The following GNAS variants were observed in gnomAD, a reference collection of about 807,000 sequenced individuals.
GNAS encodes the protein protein ALEX.
A neutral mutation model predicts 54.5 loss-of-function variants in GNAS; 8 were observed. The ratio of observed to expected loss-of-function variants is 0.15; its 90% CI spans 0.09 to 0.26. GNAS has a LOEUF of 0.26. Ranked by LOEUF, GNAS falls within the 10% of genes least tolerant of loss-of-function variation. The probability of loss-of-function intolerance (pLI) is 1.00; values close to 1 mark genes in which losing one functional copy is unlikely to be tolerated. For synonymous variants in GNAS, 204 were observed against 191.4 expected, an observed-to-expected ratio of 1.07 and a Z score of -0.54; for missense variants, 170 against 529.8, an observed-to-expected ratio of 0.32 and a Z score of 6.67.
At chr20:58,845,591 G>T (rs2085913379) in intron 1 of GNAS, among the ~76,000 whole-genome samples, 1 of 151,822 alleles carries the variant, frequency 6.6e-6, no homozygotes, top group Non-Finnish European at 1.5e-5. Flanking sequence ...ACCCATTTTT[G>T]TTTTATAATT....
At chr20:58,874,571 C>G (rs776522997) in intron 1 of GNAS, among the ~76,000 whole-genome samples, 3 of 152,100 alleles carry the variant, frequency 2.0e-5, no homozygotes, top group Admixed American at 1.3e-4. Flanking sequence ...TGGGCTGGCC[C>G]CCGTCTTAGC....
Position 58,863,699 on chromosome 20 carries a change from AG to A in GNAS, c.43+22814del, listed in dbSNP as rs2086891152. 6.6e-6 allele frequency: 1 copy of A among 152,546 alleles called. No homozygotes were observed. Among genetic ancestry groups the A allele is most frequent in the African/African-American group, 2.4e-5 (1 of 41,462 alleles). 9.4% of individuals were successfully genotyped at this position (152,546 alleles called of 1,614,324 possible). On this transcript the variant is annotated intron_variant, in intron 1 of 12. Coordinates refer to the GNAS transcript ENST00000306090. This position sits in a 1 kb window ranked among gnomAD's most constrained non-coding sequence, Gnocchi z 4.1. ...CAAGGAAATTAAGACTTGGGCTGCA[AG>A]AGCCTCGCCTCTCTCTTCTGATTTA...
intron 1 of GNAS, chr20:58,852,847 T>C: frequency 3.7e-6 from 1 of 268,150 alleles, no homozygotes; most frequent in East Asian, 6.2e-5. Flanking sequence ...CGGAGCCAGC[T>C]CGGCACTGGA....
chr20:58,904,554 G>A (rs1015303858), intron 5 of GNAS, among the ~76,000 whole-genome samples: 7 of 152,202 alleles, frequency 4.6e-5, no homozygotes, highest in African/African-American at 1.2e-4. Context: ...AACGGGAAAC[G>A]AGATGGAAAG....
upstream of GNAS, among the ~76,000 whole-genome samples, chr20:58,887,333 G>A (rs1011462642): frequency 6.6e-6 from 1 of 152,202 alleles, no homozygotes; most frequent in Non-Finnish European, 1.5e-5. Context: ...CCTCTTACAA[G>A]TCTTTAACAA....
intron 1 of GNAS, chr20:58,855,305 C>A: frequency 6.3e-7 from 1 of 1,579,394 alleles, no homozygotes; most frequent in East Asian, 2.3e-5. Flanking sequence ...AGATGGGCTA[C>A]ATGTGTACGC....
At chr20:58,868,452 CTTT>C (rs560938923) in intron 1 of GNAS, among the ~76,000 whole-genome samples, 1 of 145,280 alleles carries the variant, frequency 6.9e-6, no homozygotes, top group Non-Finnish European at 1.5e-5. Flanking sequence ...CCGCAGCCAG[CTTT>C]TTTTTTTTTT....
At chr20:58,902,753 T>TTG (rs2090743235) in intron 3 of GNAS, among the ~76,000 whole-genome samples, 1 of 125,060 alleles carries the variant, frequency 8.0e-6, no homozygotes, top group South Asian at 2.4e-4. Flanking sequence ...TTTTTTTTTT[T>TTG]GACAGAGTCT....
chr20:58,855,505 G>A, intron 1 of GNAS: 2 of 739,500 alleles, frequency 2.7e-6, no homozygotes, highest in Non-Finnish European at 2.5e-6. Flanking sequence ...CCCTGGGAGC[G>A]GGAGGGGATC....
At chr20:58,877,706 A>T (rs1225956944) in intron 1 of GNAS, among the ~76,000 whole-genome samples, 2 of 152,186 alleles carry the variant, frequency 1.3e-5, no homozygotes, top group African/African-American at 4.8e-5. Context: ...AAGAGGCTAC[A>T]GTCAGCTCAA....
At chr20:58,899,108 A>G in intron 3 of GNAS, 123 bp downstream of exon 3, 1 of 793,576 alleles carries the variant, frequency 1.3e-6, no homozygotes, top group Non-Finnish European at 2.2e-6. Context: ...CATCAGCCAT[A>G]TTGGCATACA....
intron 1 of GNAS, among the ~76,000 whole-genome samples, chr20:58,865,344 G>C (rs1306724443): frequency 1.3e-5 from 2 of 151,010 alleles, no homozygotes; most frequent in Non-Finnish European, 1.5e-5. Flanking sequence ...CTTGAACCCG[G>C]GAGGCAGAGG....
intron 1 of GNAS, among the ~76,000 whole-genome samples, chr20:58,869,168 G>T (rs368813163): frequency 6.6e-6 from 1 of 152,154 alleles, no homozygotes; most frequent in Non-Finnish European, 1.5e-5. Context: ...CTGGTGCCCC[G>T]GTTCTCCTGG....
At chr20:58,840,174 C>T (rs569736160), upstream of GNAS, 5 of 1,611,660 alleles carry the variant, frequency 3.1e-6, no homozygotes, top group East Asian at 8.9e-5. The surrounding 1 kb of genome is among the most constrained non-coding windows in gnomAD (Gnocchi z 6.0). Context: ...CTGTGCCCGC[C>T]CATAGGCCGC....
intron 1 of GNAS, chr20:58,854,028 T>TTCGCGGCAG (rs2086304768): frequency 1.2e-6 from 2 of 1,611,526 alleles, no homozygotes; most frequent in East Asian, 4.5e-5. Flanking sequence ...CAGCAGCCAG[T>TTCGCGGCAG]TCGCGGCAGT....
At chr20:58,854,665 C>G (rs950471364) in intron 1 of GNAS, 8 of 1,528,472 alleles carry the variant, frequency 5.2e-6, no homozygotes, top group Non-Finnish European at 7.0e-6. Flanking sequence ...GATCCAGATG[C>G]CGGGGCGGCC....
chr20:58,886,504 T>G (rs907133046), upstream of GNAS, among the ~76,000 whole-genome samples: 15 of 152,182 alleles, frequency 9.9e-5, no homozygotes, highest in Non-Finnish European at 2.1e-4. Flanking sequence ...CCCCTTCCAT[T>G]GGAAAGCTCT....
rs1170542800 is a variant in GNAS at position 58,891,679 on chromosome 20, C to CCCG, written c.-37_-35dup. 3.2e-3 allele frequency: 3,163 copies of CCCG among 973,706 alleles called. 7 individuals carry two copies. Among genetic ancestry groups the CCCG allele is most frequent in the Non-Finnish European group, 3.6e-3 (3,001 of 824,202 alleles). 60.3% of individuals were successfully genotyped at this position (973,706 alleles called of 1,614,324 possible). On this transcript the variant is annotated 5_prime_UTR_variant, in exon 1 of 13. Coordinates refer to ENST00000371085, the MANE Select transcript of GNAS (RefSeq NM_000516.7). ...CCCGGCCCGCGTGAGGCCGCCCGCG[C>CCCG]CCGCCGCCGCCGCAGCCCGGCCGCG...
At chr20:58,882,109 C>CG (rs2088261662) in intron 1 of GNAS, among the ~76,000 whole-genome samples, 1 of 152,216 alleles carries the variant, frequency 6.6e-6, no homozygotes, top group Admixed American at 6.5e-5. Flanking sequence ...GGGTTTGTCG[C>CG]CCAGGCTGGA....
Sources: gnomAD v4.1 joint callset for allele counts (sites outside exome capture counted in the v4.1 genomes callset) on GRCh38, gnomAD v4.1.1 for gene constraint, Gnocchi (gnomAD v3.1) non-coding constraint, MANE v1.5 for transcripts, NCBI Gene and HGNC (gene_info 2026-07-23, HGNC 2026-07-21) for gene names.